Variants in ATP13A3 observed in about 807,000 individuals in gnomAD.
ATP13A3 encodes the protein polyamine-transporting ATPase 13A3.
A neutral mutation model predicts 158.1 loss-of-function variants in ATP13A3; 59 were observed. The ratio of observed to expected loss-of-function variants is 0.37; its 90% CI spans 0.30 to 0.46. The LOEUF (loss-of-function observed/expected upper bound fraction) is 0.46. ATP13A3 is among the 20% of genes least tolerant of loss of function. ATP13A3 has a pLI of 1.00. For missense variants in ATP13A3, 1,166 were observed against 1,525.2 expected, an observed-to-expected ratio of 0.76 and a Z score of 3.92; for synonymous variants, 491 against 504.3, an observed-to-expected ratio of 0.97 and a Z score of 0.35.
intron 33 of ATP13A3, among the ~76,000 whole-genome samples, chr3:194,409,654 C>T (rs1362932215): frequency 1.5e-5 from 2 of 136,276 alleles, no homozygotes; most frequent in Admixed American, 7.4e-5. Context: ...CAAAGCATTT[C>T]TGATGAATAA....
intron 16 of ATP13A3, among the ~76,000 whole-genome samples, chr3:194,439,406 G>A (rs547754934): frequency 4.7e-4 from 71 of 152,316 alleles, no homozygotes; most frequent in African/African-American, 1.6e-3. Context: ...TAGCAGAACC[G>A]CTGGGTCAAG....
chr3:194,448,444 A>G lies in ATP13A3; in HGVS notation c.1150+13T>C. 4 of 1,608,492 alleles carry G rather than the reference A, an allele frequency of 2.5e-6. No homozygotes were observed. The highest frequency in any genetic ancestry group is 3.4e-6 in the Non-Finnish European group (4 of 1,175,100). ...GAAACATGCAAAAAGAGATTAATTA[A>G]GATGTTTCCTACCTGTTCTAACAAC... On this transcript the variant is annotated intron_variant, in intron 12 of 33. Transcript: ENST00000645319. The surrounding 1 kb of genome is among the most constrained non-coding windows in gnomAD (Gnocchi z 4.0).
chr3:194,457,426 C>T (rs1719308619), intron 6 of ATP13A3, among the ~76,000 whole-genome samples: 1 of 152,138 alleles, frequency 6.6e-6, no homozygotes, highest in Non-Finnish European at 1.5e-5. Context: ...GATGAGATGG[C>T]TCTAAATACT....
chr3:194,459,650 T>G (rs568092644), intron 5 of ATP13A3, 109 bp from the exon 6 acceptor site: 2 of 1,105,342 alleles, frequency 1.8e-6, no homozygotes, highest in Admixed American at 2.7e-5. Context: ...GCATTATATA[T>G]AGTAATATGT....
At chr3:194,470,491 A>G (rs1366805208) in intron 2 of ATP13A3, among the ~76,000 whole-genome samples, 2 of 152,194 alleles carry the variant, frequency 1.3e-5, no homozygotes, top group Admixed American at 1.3e-4. Flanking sequence ...GAAATCCTAC[A>G]GAGTTTTGTC....
chr3:194,456,544 A>G (rs76413925), intron 7 of ATP13A3, among the ~76,000 whole-genome samples: 2 of 152,260 alleles, frequency 1.3e-5, no homozygotes, highest in East Asian at 1.9e-4. Flanking sequence ...TTACAGAACT[A>G]TAAGAAAATT....
Position 194,406,102 on chromosome 3 carries a change from C to A in ATP13A3, c.3588G>T (p.Arg1196=). 4 of 1,614,118 alleles carry A rather than the reference C, an allele frequency of 2.5e-6. No individual in the cohort carries two copies. The highest frequency in any genetic ancestry group is 3.4e-6 in the Non-Finnish European group (4 of 1,180,010). The part of the protein sequence containing the change: ...TTQPPQESVD[R]WGKCCLPWAL... ...CCCAGGGTAAGCAGCATTTTCCCCA[C>A]CGATCCACTGACTCCTAAGAAAATA... Residue 1196 remains arginine, a synonymous_variant, in exon 34 of 34, where the codon CGG becomes CGT. Transcript: ENST00000645319.
chr3:194,490,374 A>G (rs1266487884), upstream of ATP13A3, among the ~76,000 whole-genome samples: 1 of 152,192 alleles, frequency 6.6e-6, no homozygotes, highest in African/African-American at 2.4e-5. The surrounding 1 kb of genome is among the most constrained non-coding windows in gnomAD (Gnocchi z 4.4). Context: ...TCCGGAGGAC[A>G]CTTTGCAGGC....
In ATP13A3 at chr3:194,448,780, A is replaced by T. The variant is rs1266635763; in HGVS notation, c.971-144T>A. 1 of 864,436 alleles carries T rather than the reference A, an allele frequency of 1.2e-6. No homozygotes were observed. Among genetic ancestry groups the T allele is most frequent in the East Asian group, 2.8e-5 (1 of 35,412 alleles). The allele number at this position is 864,436 out of a possible 1,614,324, so 53.5% of individuals were successfully genotyped here. A position where few individuals can be genotyped will look rare whatever the true frequency, so the allele number is the denominator to read the frequency against. Reference sequence around the variant, plus strand: ...GTTTACAATAATCACTGAGAGTTGTATATGTGGACAACATGGCTTAATTTT... The same window carrying T: ...GTTTACAATAATCACTGAGAGTTGTTTATGTGGACAACATGGCTTAATTTT... On this transcript the variant is annotated intron_variant, in intron 11 of 33. Coordinates refer to ENST00000645319, the MANE Select transcript of ATP13A3 (RefSeq NM_001367549.1). The surrounding 1 kb of genome is among the most constrained non-coding windows in gnomAD (Gnocchi z 4.0).
rs191806328 is a variant in ATP13A3, at chr3:194,413,931, T to C, written c.3403-92A>G. On this transcript the variant is annotated intron_variant, in intron 31 of 33. Transcript: ENST00000645319. Reference sequence around the variant, plus strand: ...AATTTCTAAATTTATTGAATTCCTATGATGTACCAAACACCTTCATATACA... The same window carrying C: ...AATTTCTAAATTTATTGAATTCCTACGATGTACCAAACACCTTCATATACA... The C allele has an allele frequency of 5.2e-3, 5,684 of 1,096,986 alleles. 21 individuals carry two copies. The highest frequency in any genetic ancestry group is 6.3e-3 in the Non-Finnish European group (4,539 of 720,458). 68.0% of individuals were successfully genotyped at this position (1,096,986 alleles called of 1,614,324 possible). A position where few individuals can be genotyped will look rare whatever the true frequency, so the allele number is the denominator to read the frequency against.
chr3:194,478,296 A>G (rs1720610295), intron 2 of ATP13A3, among the ~76,000 whole-genome samples: 1 of 151,950 alleles, frequency 6.6e-6, no homozygotes, highest in South Asian at 2.1e-4. Context: ...GGCTAGACAA[A>G]TAAGTAAGCA....
At chr3:194,465,895 T>A in intron 2 of ATP13A3, among the ~76,000 whole-genome samples, 1 of 151,410 alleles carries the variant, frequency 6.6e-6, no homozygotes, top group East Asian at 1.9e-4. Flanking sequence ...GGCAGGAGAA[T>A]CGCTTGAATC....
At chr3:194,422,740 G>A (rs2108780306) in intron 30 of ATP13A3, among the ~76,000 whole-genome samples, 1 of 151,832 alleles carries the variant, frequency 6.6e-6, no homozygotes, top group East Asian at 1.9e-4. Flanking sequence ...TCCGAAATAA[G>A]GTAGACACAC....
chr3:194,417,685 T>A (rs1053845688), intron 31 of ATP13A3, among the ~76,000 whole-genome samples: 1 of 152,114 alleles, frequency 6.6e-6, no homozygotes, highest in Non-Finnish European at 1.5e-5. Context: ...ATGCCTGTAA[T>A]CTTAATACTT....
At chr3:194,431,542 T>G (rs1056814239) in intron 22 of ATP13A3, among the ~76,000 whole-genome samples, 175 bp downstream of exon 22, 7 of 152,226 alleles carry the variant, frequency 4.6e-5, no homozygotes, top group African/African-American at 1.7e-4. Context: ...ATTTGAACAT[T>G]GAGATTCCTG....
At chr3:194,493,661 C>G (rs1721171155) in intron 2 of ATP13A3, among the ~76,000 whole-genome samples, 1 of 152,084 alleles carries the variant, frequency 6.6e-6, no homozygotes, top group Admixed American at 6.6e-5. Context: ...AAAAGAATCC[C>G]TCTTTAGTGC....
intron 14 of ATP13A3, among the ~76,000 whole-genome samples, chr3:194,445,988 C>G (rs937087449): frequency 2.0e-5 from 3 of 152,020 alleles, no homozygotes; most frequent in Admixed American, 2.0e-4. Context: ...CACTTACAAG[C>G]AATAAAATCA....
intron 2 of ATP13A3, among the ~76,000 whole-genome samples, chr3:194,471,494 C>G (rs1410500308): frequency 6.6e-6 from 1 of 152,078 alleles, no homozygotes; most frequent in Non-Finnish European, 1.5e-5. Context: ...GCTGGGACCA[C>G]AGGTGTGTAC....
rs2108979894 is a variant in ATP13A3 at position 194,462,183 on chromosome 3, C to T, written c.8G>A (p.Arg3Lys). MD[R>K]EERKTINQGQ... ...CTGATTGATGGTCTTCCTTTCTTCC[C>T]TGTCCATACCTACAGTGGATTAAAG... is the stretch of plus-strand genomic sequence containing the variant. Residue 3 changes from arginine to lysine, a missense_variant, in exon 3 of 34, where the codon AGG becomes AAG. Transcript: ENST00000645319. 6.2e-7 allele frequency: 1 copy of T among 1,613,844 alleles called. No individual in the cohort carries two copies. The highest frequency in any genetic ancestry group is 1.1e-5 in the South Asian group (1 of 91,062).
Sources: allele counts gnomAD v4.1 joint callset (sites outside exome capture counted in the v4.1 genomes callset), GRCh38; gene constraint gnomAD v4.1.1; non-coding constraint Gnocchi (gnomAD v3.1); transcripts MANE v1.5; gene names NCBI Gene and HGNC (gene_info 2026-07-23, HGNC 2026-07-21).